Variants in BNC2 observed in about 807,000 individuals in gnomAD.
BNC2 encodes the protein basonuclin zinc finger protein 2.
A neutral mutation model predicts 76.3 loss-of-function variants in BNC2; 20 were observed. That is an observed-to-expected ratio of 0.26 (90% confidence interval 0.18 to 0.38). The LOEUF is 0.38. BNC2 is among the 10% of genes least tolerant of loss of function. BNC2 has a pLI of 1.00. For missense variants in BNC2, 1,382 were observed against 1,399.8 expected (o/e 0.99, Z 0.20); for synonymous variants, 582 against 514.8 (o/e 1.13, Z -1.77).
At chr9:16,825,322 T>G (rs1170058244) in intron 1 of BNC2, among the ~76,000 whole-genome samples, 1 of 152,188 alleles carries the variant, frequency 6.6e-6, no homozygotes, top group East Asian at 1.9e-4. Context: ...TTCAGTACAG[T>G]AGAGTTCTGA....
rs190838061 is a variant in BNC2 at position 16,550,648 on chromosome 9, T to C, written c.669+1882A>G. ...TATTTGTTTGGACAGAAAGATACAATGTATATGCTTGTGTCTCTGCGTAGG... is the reference window on the plus strand; with the variant it reads ...TATTTGTTTGGACAGAAAGATACAACGTATATGCTTGTGTCTCTGCGTAGG... On this transcript the variant is annotated intron_variant, in intron 5 of 6. Coordinates refer to ENST00000380672, the MANE Select transcript of BNC2 (RefSeq NM_017637.6). Among the ~76,000 whole-genome samples the C allele has an allele frequency of 4.1e-4, 62 of 152,308 alleles. No individual in the cohort carries two copies. In the Middle Eastern group the frequency reaches 0.014, roughly 33 times the overall value.
At chr9:16,525,157 A>G (rs1368173525) in intron 5 of BNC2, among the ~76,000 whole-genome samples, 2 of 150,072 alleles carry the variant, frequency 1.3e-5, no homozygotes, top group Non-Finnish European at 2.9e-5. Context: ...ACTAGATAAC[A>G]TTAACTAGTT....
intron 5 of BNC2, among the ~76,000 whole-genome samples, chr9:16,515,628 G>A (rs1822859125): frequency 6.6e-6 from 1 of 151,046 alleles, no homozygotes. Context: ...TGGCAATGAT[G>A]TGGTCGAAAA....
At chr9:16,543,536 T>G (rs916091938) in intron 5 of BNC2, among the ~76,000 whole-genome samples, 1 of 152,210 alleles carries the variant, frequency 6.6e-6, no homozygotes, top group African/African-American at 2.4e-5. Context: ...AGCCTCTTCA[T>G]GTCCCACAGG....
chr9:16,764,679 C>A (rs2135407931), intron 1 of BNC2, among the ~76,000 whole-genome samples: 1 of 151,516 alleles, frequency 6.6e-6, no homozygotes, highest in African/African-American at 2.4e-5. Context: ...ACATTTTAAC[C>A]CATGTACTAG....
intron 1 of BNC2, among the ~76,000 whole-genome samples, chr9:16,739,371 G>C (rs1038075558): frequency 5.9e-5 from 9 of 152,122 alleles, no homozygotes; most frequent in Non-Finnish European, 2.9e-5. Context: ...GGTCCAATTA[G>C]GAAGACATTA....
intron 5 of BNC2, among the ~76,000 whole-genome samples, chr9:16,517,175 T>C (rs1466312876): frequency 1.3e-5 from 2 of 152,348 alleles, no homozygotes; most frequent in East Asian, 3.9e-4. Context: ...CTGTTGTGTA[T>C]AAGGTTCTGT....
At chr9:16,596,938 A>T (rs982296185) in intron 3 of BNC2, among the ~76,000 whole-genome samples, 2 of 152,164 alleles carry the variant, frequency 1.3e-5, no homozygotes, top group Non-Finnish European at 1.5e-5. Flanking sequence ...AATTCTTAAC[A>T]AGAAAGAATT....
intron 5 of BNC2, among the ~76,000 whole-genome samples, chr9:16,440,480 A>G (rs1490483923): frequency 6.6e-6 from 1 of 152,212 alleles, no homozygotes; most frequent in Non-Finnish European, 1.5e-5. Flanking sequence ...CTGAGCCTCA[A>G]TCTGAGCAAT....
At chr9:16,855,711 G>A (rs1272050885) in intron 1 of BNC2, among the ~76,000 whole-genome samples, 1 of 150,260 alleles carries the variant, frequency 6.7e-6, no homozygotes, top group African/African-American at 2.4e-5. Context: ...CTGATTTCTT[G>A]TATTTTTTTT....
intron 1 of BNC2, among the ~76,000 whole-genome samples, chr9:16,793,648 C>CTTTTTTTTTTTTTTT (rs71327860): frequency 1.8e-5 from 1 of 55,778 alleles, no homozygotes. Flanking sequence ...CCTTCCACAT[C>CTTTTTTTTTTTTTTT]TTTTTTTTTT....
chr9:16,477,164 G>C (rs914388828), intron 5 of BNC2, among the ~76,000 whole-genome samples: 2 of 152,208 alleles, frequency 1.3e-5, no homozygotes, highest in Admixed American at 1.3e-4. Flanking sequence ...AACCGAGGCA[G>C]GAGGATCACT....
chr9:16,500,708 T>C (rs1822499858), intron 5 of BNC2, among the ~76,000 whole-genome samples: 1 of 152,164 alleles, frequency 6.6e-6, no homozygotes, highest in African/African-American at 2.4e-5. Flanking sequence ...ATAATGATCA[T>C]CCCTTAATCA....
chr9:16,553,910 A>C (rs1818741641), intron 4 of BNC2, among the ~76,000 whole-genome samples: 1 of 152,204 alleles, frequency 6.6e-6, no homozygotes, highest in African/African-American at 2.4e-5. Context: ...GAGGCACTCT[A>C]AACTCCTTAA....
intron 3 of BNC2, among the ~76,000 whole-genome samples, chr9:16,616,454 T>C (rs1269524534): frequency 6.6e-6 from 1 of 151,852 alleles, no homozygotes; most frequent in Non-Finnish European, 1.5e-5. Flanking sequence ...CCCAGCACTT[T>C]GGGAAGCCCA....
chr9:16,833,986 G>A (rs527738512), intron 1 of BNC2, among the ~76,000 whole-genome samples: 1 of 152,174 alleles, frequency 6.6e-6, no homozygotes, highest in Admixed American at 6.5e-5. Context: ...GCAATACTCA[G>A]CACCCTCTAC....
At chr9:16,421,254 G>A in intron 6 of BNC2, 1 of 1,299,564 alleles carries the variant, frequency 7.7e-7, no homozygotes, top group Non-Finnish European at 1.0e-6. Context: ...TAGGAAGGCT[G>A]AGCTTACCTT....
chr9:16,732,095 T>C (rs1181431112), intron 2 of BNC2, among the ~76,000 whole-genome samples: 1 of 149,324 alleles, frequency 6.7e-6, no homozygotes, highest in African/African-American at 2.5e-5. Flanking sequence ...GTTTAAAATG[T>C]TACTGATCTT....
intron 3 of BNC2, among the ~76,000 whole-genome samples, chr9:16,635,316 C>T (rs921313243): frequency 6.6e-6 from 1 of 152,186 alleles, no homozygotes; most frequent in African/African-American, 2.4e-5. Context: ...AGTGCTCCTG[C>T]ATAAACATAC....
Sources: gnomAD v4.1 joint callset for allele counts (sites outside exome capture counted in the v4.1 genomes callset) on GRCh38, gnomAD v4.1.1 for gene constraint, MANE v1.5 for transcripts, NCBI Gene and HGNC (gene_info 2026-07-23, HGNC 2026-07-21) for gene names.